Variants in ITPR1 observed in about 807,000 individuals in gnomAD.
ITPR1 encodes inositol 1,4,5-trisphosphate-gated calcium channel ITPR1.
In ITPR1, 96 loss-of-function variants were observed where a neutral mutation model predicts 318.4. That is an observed-to-expected ratio of 0.30 (90% CI 0.26 to 0.36). The LOEUF (loss-of-function observed/expected upper bound fraction) is 0.36, where lower values mean the gene tolerates loss of function less well. Among genes scored for constraint, ITPR1 ranks in the 10% least tolerant of loss-of-function variants. The probability of loss-of-function intolerance (pLI) is 1.00; values close to 1 mark genes in which losing one functional copy is unlikely to be tolerated. For synonymous variants in ITPR1, 1,312 were observed against 1,289.9 expected (o/e 1.02, Z -0.37); for missense variants, 2,440 against 3,460.2 (o/e 0.71, Z 7.40).
chr3:4,683,840 G>A (rs776385765), intron 28 of ITPR1, 42 bp downstream of exon 28: 1 of 1,573,958 alleles, frequency 6.4e-7, no homozygotes, highest in South Asian at 1.1e-5. Flanking sequence ...GGATGGATGG[G>A]CTTCTCGAAA....
intron 25 of ITPR1, among the ~76,000 whole-genome samples, chr3:4,681,023 C>T (rs937157773): frequency 6.6e-6 from 1 of 152,050 alleles, no homozygotes; most frequent in African/African-American, 2.4e-5. Flanking sequence ...TGACCACTAG[C>T]AGCTTTTACT....
chr3:4,605,027 G>A (rs748893785), intron 4 of ITPR1, among the ~76,000 whole-genome samples: 4 of 151,926 alleles, frequency 2.6e-5, no homozygotes, highest in African/African-American at 7.2e-5. Context: ...GCTGAAGTGC[G>A]GTGACACAAT....
At chr3:4,526,329 G>A (rs2082975421) in intron 4 of ITPR1, among the ~76,000 whole-genome samples, 1 of 152,138 alleles carries the variant, frequency 6.6e-6, no homozygotes, top group Non-Finnish European at 1.5e-5. Context: ...ATTGGGGAGG[G>A]GATCAGACAG....
intron 12 of ITPR1, among the ~76,000 whole-genome samples, chr3:4,655,591 A>T (rs1179295839): frequency 6.6e-6 from 1 of 152,152 alleles, no homozygotes; most frequent in African/African-American, 2.4e-5. Context: ...AGCAGTGTAT[A>T]AAAGGAGTTA....
At chr3:4,737,530 C>T (rs948990754) in intron 44 of ITPR1, among the ~76,000 whole-genome samples, 3 of 152,096 alleles carry the variant, frequency 2.0e-5, no homozygotes, top group African/African-American at 7.2e-5. Flanking sequence ...GTCTTTCAGA[C>T]CGAGGAGTGC....
intron 42 of ITPR1, 25 bp downstream of exon 42, chr3:4,727,198 T>G: frequency 6.4e-7 from 1 of 1,559,230 alleles, no homozygotes; most frequent in Non-Finnish European, 8.7e-7. Context: ...GTCTTGGGTA[T>G]CGGGAGCTAA....
chr3:4,775,476 A>C (rs760863262), intron 47 of ITPR1, 34 bp downstream of exon 47: 1 of 1,530,076 alleles, frequency 6.5e-7, no homozygotes, highest in East Asian at 2.3e-5. Flanking sequence ...TGGGGAAAAA[A>C]AGTGTCCCAT....
At chr3:4,739,485 G>C (rs112610243) in intron 44 of ITPR1, among the ~76,000 whole-genome samples, 1 of 152,122 alleles carries the variant, frequency 6.6e-6, no homozygotes, top group Non-Finnish European at 1.5e-5. Flanking sequence ...TGTGTTTGTC[G>C]GTTCTGCATC....
At chr3:4,688,304 C>G (rs985312015) in intron 30 of ITPR1, among the ~76,000 whole-genome samples, 191 bp from the exon 31 acceptor site, 1 of 152,192 alleles carries the variant, frequency 6.6e-6, no homozygotes, top group African/African-American at 2.4e-5. Context: ...AAGATCTTCA[C>G]TTTCATCCAA....
At chr3:4,744,904 CCTTCCT>C in intron 44 of ITPR1, among the ~76,000 whole-genome samples, 1 of 4,508 alleles carries the variant, frequency 2.2e-4, no homozygotes, top group Non-Finnish European at 6.8e-4. Context: ...CTCCCTCCTT[CCTTCCT>C]TCCTTCCTTC....
At chr3:4,609,089 T>TATATATATATATATACACACAC (rs1171860541) in intron 4 of ITPR1, among the ~76,000 whole-genome samples, 6 of 91,946 alleles carry the variant, frequency 6.5e-5, no homozygotes, top group Non-Finnish European at 1.2e-4. Context: ...TATATATATA[T>TATATATATATATATACACACAC]ACACACACAC....
chr3:4,838,419 GCCC>G (rs957798570), intron 61 of ITPR1, among the ~76,000 whole-genome samples: 1 of 151,276 alleles, frequency 6.6e-6, no homozygotes, highest in East Asian at 1.9e-4. Flanking sequence ...TTCTGGCACT[GCCC>G]CCCCAACCCC....
intron 44 of ITPR1, chr3:4,749,609 G>A (rs1286169095): frequency 6.6e-6 from 1 of 152,196 alleles, no homozygotes; most frequent in Non-Finnish European, 1.5e-5. Flanking sequence ...CTGTTTGAAA[G>A]TCCTCTCAGT....
intron 46 of ITPR1, among the ~76,000 whole-genome samples, chr3:4,774,754 C>T (rs1269501838): frequency 1.3e-5 from 2 of 152,228 alleles, no homozygotes; most frequent in African/African-American, 4.8e-5. Flanking sequence ...CAGGCTCCTG[C>T]CACATGGCAC....
At chr3:4,542,158 G>A (rs1054937931) in intron 4 of ITPR1, among the ~76,000 whole-genome samples, 1 of 151,982 alleles carries the variant, frequency 6.6e-6, no homozygotes, top group Non-Finnish European at 1.5e-5. Flanking sequence ...TTTACTTCCT[G>A]TTACCAAAAA....
intron 4 of ITPR1, among the ~76,000 whole-genome samples, chr3:4,588,898 C>G (rs1166344146): frequency 6.6e-6 from 1 of 152,200 alleles, no homozygotes; most frequent in Non-Finnish European, 1.5e-5. Context: ...GTCCAGTTTT[C>G]TAGGCCTTCA....
chr3:4,596,921 A>G (rs1280313106), intron 4 of ITPR1, among the ~76,000 whole-genome samples: 1 of 152,194 alleles, frequency 6.6e-6, no homozygotes, highest in Non-Finnish European at 1.5e-5. Flanking sequence ...AGAGGCTGAT[A>G]GTTTTAGTGT....
chr3:4,670,989 G>A (rs2094065764), intron 20 of ITPR1, 63 bp downstream of exon 20: 1 of 1,228,842 alleles, frequency 8.1e-7, no homozygotes, highest in Non-Finnish European at 1.1e-6. Flanking sequence ...TTAGGAATTT[G>A]TTGCTCGTTT....
At chr3:4,680,808 C>G in intron 25 of ITPR1, 117 bp downstream of exon 25, 1 of 852,800 alleles carries the variant, frequency 1.2e-6, no homozygotes. Flanking sequence ...GATTATTGCA[C>G]CAGGGCATCA....
Sources: gnomAD v4.1 joint callset for allele counts (sites outside exome capture counted in the v4.1 genomes callset) on GRCh38, gnomAD v4.1.1 for gene constraint, MANE v1.5 for transcripts, NCBI Gene and HGNC (gene_info 2026-07-23, HGNC 2026-07-21) for gene names.